ANK3: variants seen among roughly 807,000 people sequenced by gnomAD.
The protein encoded by ANK3 is ankyrin-3.
Under a neutral mutation model 370.9 loss-of-function variants are expected in ANK3, and 57 were observed. That is an observed-to-expected ratio of 0.15 (90% CI 0.12 to 0.19). The LOEUF is 0.19. Ranked by LOEUF, ANK3 falls within the 10% of genes least tolerant of loss-of-function variation. ANK3 has a pLI of 1.00. For synonymous variants in ANK3, 1,929 were observed against 1,946.3 expected (o/e 0.99, Z 0.23); for missense variants, 4,439 against 5,302.1 (o/e 0.84, Z 5.06).
intron 17 of ANK3, 76 bp downstream of exon 17, chr10:60,186,639 T>C (rs1291814714): frequency 4.9e-6 from 7 of 1,418,052 alleles, no homozygotes; most frequent in South Asian, 2.4e-5. Context: ...TCAGATCTTC[T>C]GTGAATTCTT....
At chr10:60,299,640 A>T (rs1373431951) in intron 1 of ANK3, among the ~76,000 whole-genome samples, 2 of 152,192 alleles carry the variant, frequency 1.3e-5, no homozygotes, top group Non-Finnish European at 2.9e-5. Flanking sequence ...ATCCCTCAGA[A>T]TCAAATACTT....
rs1422514997 is a variant in ANK3, at chr10:60,076,323, C to T, written c.4558G>A (p.Gly1520Ser). ...GAAGAACTTGATAAGGAAGTGAAGC[C>T]TGACTTGGCTGGCCCAGGCACTGTA... ...PITVPGPAKS[G>S]FTSLSSSSSN... The change falls in exon 37 of 44, where the codon GGC becomes AGC. Residue 1520 changes from glycine (G) to serine (S), a missense_variant. By Grantham distance (56) the Gly-to-Ser change is moderately conservative. Transcript: ENST00000280772. 3 of 1,614,058 alleles carry T rather than the reference C, an allele frequency of 1.9e-6. No individual in the cohort carries two copies. The highest frequency in any genetic ancestry group is 2.5e-6 in the Non-Finnish European group (3 of 1,179,978).
chr10:60,301,517 A>C (rs2043816712), intron 1 of ANK3, among the ~76,000 whole-genome samples: 1 of 150,272 alleles, frequency 6.7e-6, no homozygotes, highest in South Asian at 2.1e-4. Flanking sequence ...TGGTTCAGGC[A>C]ATTCTCTTGC....
intron 36 of ANK3, 99 bp downstream of exon 36, chr10:60,080,438 T>C: frequency 9.8e-7 from 1 of 1,018,126 alleles, no homozygotes; most frequent in Non-Finnish European, 1.5e-6. Flanking sequence ...ATTTTTCTTT[T>C]GCCATTGAGT....
In ANK3 at chr10:60,211,019, G is replaced by A. The variant is rs1438318097; in HGVS notation, c.996+2393C>T. Among the ~76,000 whole-genome samples the A allele has an allele frequency of 5.3e-5, 8 of 152,272 alleles. No individual in the cohort carries two copies. In the East Asian group the frequency reaches 1.4e-3, roughly 26 times the overall value. ...AAAGAGATGTACACAACCAGCTCATGAGCCGATACAATCAGGATCCAGCAC... is the reference window on the plus strand; with the variant it reads ...AAAGAGATGTACACAACCAGCTCATAAGCCGATACAATCAGGATCCAGCAC... On this transcript the variant is annotated intron_variant, in intron 9 of 43. Transcript: ENST00000280772.
In ANK3 at chr10:60,331,784, T is replaced by C. The variant is rs2051397045; in HGVS notation, c.115-52145A>G. Among the ~76,000 whole-genome samples, 3 of 152,126 alleles carry C rather than the reference T, an allele frequency of 2.0e-5. No homozygotes were observed. In the South Asian group the frequency reaches 6.2e-4, roughly 32 times the overall value. On this transcript the variant is annotated intron_variant, in intron 1 of 43. Transcript: ENST00000280772. ...TCTCCAGGAGATTTAAAAAATAGTT[T>C]ATATTTTAAACTAACACCTATTAAT...
Position 60,109,060 on chromosome 10 carries a change from G to C in ANK3, c.2949-6C>G. ...CCATAAAGCTAACCAGAAACCTGAG[G>C]GGAGAAGATCAGAGGCCAATTCAAG... is the stretch of plus-strand genomic sequence containing the variant. On this transcript the variant is annotated splice_polypyrimidine_tract_variant and splice_region_variant and intron_variant, in intron 26 of 43. Coordinates refer to ENST00000280772, the MANE Select transcript of ANK3 (RefSeq NM_020987.5). 2 of 1,610,872 alleles carry C rather than the reference G, an allele frequency of 1.2e-6. No individual in the cohort carries two copies. The highest frequency in any genetic ancestry group is 1.7e-6 in the Non-Finnish European group (2 of 1,178,394).
rs573664894 is a variant in ANK3, at chr10:60,423,128, GT to G, written c.97-143490del. Among the ~76,000 whole-genome samples, 928 of 152,128 alleles carry G rather than the reference GT, an allele frequency of 6.1e-3. 12 individuals carry two copies. The highest frequency in any genetic ancestry group is 0.02 in the African/African-American group (841 of 41,516). ...ATTTTAAAAGACCCATAAGGAAGTA[GT>G]TTTTGTCTACGTGAAAACCAATCTA... On this transcript the variant is annotated intron_variant, in intron 2 of 43. Coordinates refer to the ANK3 transcript ENST00000373827.
intron 2 of ANK3, among the ~76,000 whole-genome samples, chr10:60,470,801 A>G (rs893677819): frequency 2.0e-5 from 3 of 152,300 alleles, no homozygotes; most frequent in East Asian, 3.9e-4. Context: ...AAGAATAAAA[A>G]ACAAACAAAC....
intron 1 of ANK3, among the ~76,000 whole-genome samples, chr10:60,299,400 G>C (rs750178540): frequency 2.6e-5 from 4 of 152,154 alleles, no homozygotes; most frequent in Non-Finnish European, 4.4e-5. Context: ...TTGTCCACCT[G>C]ATATTAGAAC....
intron 1 of ANK3, among the ~76,000 whole-genome samples, chr10:60,635,687 A>C (rs1397769897): frequency 7.4e-6 from 1 of 134,506 alleles, no homozygotes; most frequent in African/African-American, 2.7e-5. Flanking sequence ...AAATTATTAT[A>C]GCTTAAACCC....
intron 1 of ANK3, among the ~76,000 whole-genome samples, chr10:60,283,588 T>C (rs2098198578): frequency 6.6e-6 from 1 of 152,134 alleles, no homozygotes; most frequent in African/African-American, 2.4e-5. Flanking sequence ...GAAATGAAAG[T>C]TTATTTTATT....
At chr10:60,386,356 AC>A (rs1426195374) in intron 1 of ANK3, among the ~76,000 whole-genome samples, 1 of 151,830 alleles carries the variant, frequency 6.6e-6, no homozygotes, top group African/African-American at 2.4e-5. Flanking sequence ...ACTCATTCAA[AC>A]TTTTTTTTTT....
At chr10:60,591,927 G>T (rs910868514) in intron 2 of ANK3, among the ~76,000 whole-genome samples, 1 of 152,182 alleles carries the variant, frequency 6.6e-6, no homozygotes, top group African/African-American at 2.4e-5. Context: ...CACAGACTTG[G>T]AAGGATAATG....
chr10:60,396,389 G>T (rs937416495), intron 2 of ANK3, among the ~76,000 whole-genome samples: 1 of 152,104 alleles, frequency 6.6e-6, no homozygotes, highest in African/African-American at 2.4e-5. Flanking sequence ...TCTAAACCAA[G>T]AAATTCATTT....
chr10:60,558,920 A>G (rs1236721808), intron 2 of ANK3, among the ~76,000 whole-genome samples: 1 of 152,190 alleles, frequency 6.6e-6, no homozygotes, highest in Non-Finnish European at 1.5e-5. Context: ...GGAACAAATT[A>G]TTCTGATTTG....
At chr10:60,247,616 G>C (rs2097577335) in intron 7 of ANK3, among the ~76,000 whole-genome samples, 1 of 152,078 alleles carries the variant, frequency 6.6e-6, no homozygotes, top group African/African-American at 2.4e-5. Flanking sequence ...TGCAATCATA[G>C]TATTTGTCTT....
chr10:60,518,689 T>A (rs574329012), intron 2 of ANK3, among the ~76,000 whole-genome samples: 1 of 152,240 alleles, frequency 6.6e-6, no homozygotes, highest in South Asian at 2.1e-4. Context: ...GTGAAACCAT[T>A]ATCTGCAGAT....
intron 2 of ANK3, among the ~76,000 whole-genome samples, chr10:60,433,566 G>A (rs1230949668): frequency 6.6e-6 from 1 of 152,068 alleles, no homozygotes; most frequent in Non-Finnish European, 1.5e-5. Context: ...GCACGATCGT[G>A]CCACTGCAGC....
Sources: gnomAD v4.1 joint callset for allele counts (sites outside exome capture counted in the v4.1 genomes callset) on GRCh38, gnomAD v4.1.1 for gene constraint, MANE v1.5 for transcripts, NCBI Gene and HGNC (gene_info 2026-07-23, HGNC 2026-07-21) for gene names.